MEGF9: variants seen among roughly 807,000 people sequenced by gnomAD.
The protein encoded by MEGF9 is multiple epidermal growth factor-like domains protein 9.
MEGF9 carries 6 observed loss-of-function variants against 46.8 expected under a neutral mutation model. That is an observed-to-expected ratio of 0.13 (90% CI 0.07 to 0.25). The LOEUF (loss-of-function observed/expected upper bound fraction) is 0.25, where lower values mean the gene tolerates loss of function less well. Ranked by LOEUF, MEGF9 falls within the 10% of genes least tolerant of loss-of-function variation. MEGF9 has a pLI of 1.00. For missense variants in MEGF9, 683 were observed against 792.4 expected (o/e 0.86, Z 1.66); for synonymous variants, 302 against 330.7 (o/e 0.91, Z 0.94).
intron 1 of MEGF9, among the ~76,000 whole-genome samples, chr9:120,660,881 A>T (rs191469409): frequency 1.3e-5 from 2 of 152,346 alleles, no homozygotes; most frequent in Admixed American, 6.5e-5. Flanking sequence ...AAGGCACTAT[A>T]TAAAATGGCA....
intron 3 of MEGF9, among the ~76,000 whole-genome samples, chr9:120,614,705 C>T (rs2043463533): frequency 1.3e-5 from 2 of 151,792 alleles, no homozygotes; most frequent in Admixed American, 6.6e-5. Context: ...TGTCTACCTA[C>T]TCTCCCCCTA....
chr9:120,609,755 T>G (rs1019225503), intron 4 of MEGF9, among the ~76,000 whole-genome samples: 3 of 152,170 alleles, frequency 2.0e-5, no homozygotes, highest in Non-Finnish European at 4.4e-5. Flanking sequence ...TTTACTATTA[T>G]AATTACACTA....
At chr9:120,646,482 G>C (rs947459289) in intron 2 of MEGF9, among the ~76,000 whole-genome samples, 3 of 152,158 alleles carry the variant, frequency 2.0e-5, no homozygotes, top group African/African-American at 7.2e-5. Flanking sequence ...TTTGCTGTCT[G>C]TAAAGTCCTT....
chr9:120,665,968 T>C (rs955738507), intron 1 of MEGF9, among the ~76,000 whole-genome samples: 1 of 152,226 alleles, frequency 6.6e-6, no homozygotes, highest in Non-Finnish European at 1.5e-5. Flanking sequence ...TCTGTTTTTA[T>C]ACCTATGCCA....
chr9:120,708,594 G>C (rs1021209654), intron 1 of MEGF9, among the ~76,000 whole-genome samples: 1 of 152,164 alleles, frequency 6.6e-6, no homozygotes, highest in South Asian at 2.1e-4. Flanking sequence ...AGCTGAAAGA[G>C]ACCCTTTAAA....
At chr9:120,675,899 A>AC (rs1280427698) in intron 1 of MEGF9, among the ~76,000 whole-genome samples, 2 of 151,174 alleles carry the variant, frequency 1.3e-5, no homozygotes, top group Non-Finnish European at 3.0e-5. Context: ...AAAAAAAAAA[A>AC]AAAAAAAAAA....
chr9:120,698,408 A>G (rs543761295), intron 1 of MEGF9, among the ~76,000 whole-genome samples: 9 of 152,336 alleles, frequency 5.9e-5, no homozygotes, highest in African/African-American at 2.2e-4. Context: ...GTAACTGGCA[A>G]CATGACACAG....
rs1324659093 is a variant in MEGF9, at chr9:120,714,428, G to A, written c.-70C>T. On this transcript the variant is annotated 5_prime_UTR_variant, in exon 1 of 6. Coordinates refer to ENST00000373930, the MANE Select transcript of MEGF9 (RefSeq NM_001080497.3). ...TCCGACCAAGGAAGCCTCCGCAACC[G>A]CCGCCGCCACCGCCACCGGGCGCAC... 7.6e-6 allele frequency: 9 copies of A among 1,187,088 alleles called. No homozygotes were observed. In the African/African-American group the frequency reaches 8.0e-5, roughly 11 times the overall value. The allele number at this position is 1,187,088 out of a possible 1,614,324, so 73.5% of individuals were successfully genotyped here.
chr9:120,689,702 C>T (rs1011859630), intron 1 of MEGF9, among the ~76,000 whole-genome samples: 7 of 152,104 alleles, frequency 4.6e-5, no homozygotes, highest in Admixed American at 3.9e-4. Context: ...AAAAATGAAT[C>T]ATGTGTGCCA....
At chr9:120,710,440 A>G (rs2043948147) in intron 1 of MEGF9, among the ~76,000 whole-genome samples, 2 of 151,108 alleles carry the variant, frequency 1.3e-5, no homozygotes, top group African/African-American at 4.9e-5. Context: ...AAAAAAAAAA[A>G]AAAAAAGTCC....
Position 120,613,309 on chromosome 9 carries a change from T to C in MEGF9, c.944-770A>G, listed in dbSNP as rs534788345. 2.4e-4 allele frequency among the ~76,000 whole-genome samples: 36 copies of C among 152,130 alleles called. No individual in the cohort carries two copies. The East Asian group carries it at 5.8e-3, about 24-fold the overall frequency. On this transcript the variant is annotated intron_variant, in intron 3 of 5. Coordinates refer to ENST00000373930, the MANE Select transcript of MEGF9 (RefSeq NM_001080497.3). ...ATGAGGTAAAAATTAAAATGTGGAT[T>C]GCGAGGGTATAGGGGAATTTTACAC...
chr9:120,608,138 G>A, intron 4 of MEGF9, 128 bp from the exon 5 acceptor site: 1 of 1,074,638 alleles, frequency 9.3e-7, no homozygotes, highest in Non-Finnish European at 1.3e-6. Flanking sequence ...AGGATCGCTT[G>A]AGCCCAGGAG....
At chr9:120,696,885 A>G (rs894697231) in intron 1 of MEGF9, among the ~76,000 whole-genome samples, 4 of 152,202 alleles carry the variant, frequency 2.6e-5, no homozygotes, top group African/African-American at 9.6e-5. Context: ...GTACTTATGT[A>G]CCTGTAGGAT....
At chr9:120,693,192 A>C (rs182862522) in intron 1 of MEGF9, among the ~76,000 whole-genome samples, 1 of 151,948 alleles carries the variant, frequency 6.6e-6, no homozygotes, top group East Asian at 1.9e-4. Flanking sequence ...GTCAAACAGA[A>C]GCATCTTAGT....
At chr9:120,689,456 T>A (rs1246901731) in intron 1 of MEGF9, among the ~76,000 whole-genome samples, 2 of 151,748 alleles carry the variant, frequency 1.3e-5, no homozygotes, top group Non-Finnish European at 2.9e-5. Flanking sequence ...AATAATCAGA[T>A]CTACATCTTA....
At chr9:120,676,277 C>G (rs1451931245) in intron 1 of MEGF9, among the ~76,000 whole-genome samples, 1 of 152,118 alleles carries the variant, frequency 6.6e-6, no homozygotes, top group Non-Finnish European at 1.5e-5. Flanking sequence ...AAAAAAACTT[C>G]AATTTTCCCA....
At chr9:120,696,713 A>G (rs1341610949) in intron 1 of MEGF9, among the ~76,000 whole-genome samples, 3 of 152,196 alleles carry the variant, frequency 2.0e-5, no homozygotes, top group Admixed American at 2.0e-4. Context: ...CATACCAAAG[A>G]ACTTGAGCTC....
chr9:120,622,886 T>C, intron 2 of MEGF9, 131 bp from the exon 3 acceptor site: 1 of 823,312 alleles, frequency 1.2e-6, no homozygotes. Context: ...AAGCCTTGTG[T>C]CCAAATAAAT....
intron 2 of MEGF9, among the ~76,000 whole-genome samples, chr9:120,654,464 C>T (rs2043667393): frequency 6.6e-6 from 1 of 152,156 alleles, no homozygotes; most frequent in Admixed American, 6.5e-5. Flanking sequence ...GAGATCATAG[C>T]TGTGGTAACA....
Sources: gnomAD v4.1 joint callset for allele counts (sites outside exome capture counted in the v4.1 genomes callset) on GRCh38, gnomAD v4.1.1 for gene constraint, MANE v1.5 for transcripts, NCBI Gene and HGNC (gene_info 2026-07-23, HGNC 2026-07-21) for gene names.